KCNB2: variants seen among roughly 807,000 people sequenced by gnomAD.
The protein encoded by KCNB2 is delayed rectifier potassium channel protein.
KCNB2 carries 15 observed loss-of-function variants against 61.5 expected under a neutral mutation model. The observed-to-expected ratio is 0.24, with a 90% CI of 0.16 to 0.38. KCNB2 has a LOEUF of 0.38. Among genes scored for constraint, KCNB2 ranks in the 10% least tolerant of loss-of-function variants. KCNB2 has a pLI of 1.00. For missense variants in KCNB2, 828 were observed against 1,125.2 expected (o/e 0.74, Z 3.78); for synonymous variants, 457 against 446.0 (o/e 1.02, Z -0.31).
In KCNB2 at chr8:72,936,826, C is replaced by T. The variant is rs1422039688; in HGVS notation, c.1471C>T (p.Arg491Trp). The stretch of plus-strand genomic sequence containing the variant: ...CGACGATAATCACCTGTCGCCAAGC[C>T]GGTGGAAGTGGGCCAGGAAGGCTCT... ...SADDNHLSPS[R>W]WKWARKALSE... Residue 491 changes from arginine (R) to tryptophan (W), a missense_variant, in exon 3 of 3, where the codon CGG (arginine) becomes TGG (tryptophan). Around this residue, in one of 4 missense-constraint regions of KCNB2, gnomAD observed 559 missense variants for 588.4 expected, o/e 0.95. Coordinates refer to ENST00000523207, the MANE Select transcript of KCNB2 (RefSeq NM_004770.3). This position sits in a 1 kb window ranked among gnomAD's most constrained non-coding sequence, Gnocchi z 5.6. 7.4e-6 allele frequency: 12 copies of T among 1,614,008 alleles called. No individual in the cohort carries two copies. The South Asian group carries it at 7.7e-5, about 10-fold the overall frequency.
chr8:72,633,981 G>C (rs557756637), intron 2 of KCNB2, among the ~76,000 whole-genome samples: 1 of 125,608 alleles, frequency 8.0e-6, no homozygotes, highest in African/African-American at 2.5e-5. Context: ...AGTCAGACTG[G>C]AACACCTTGC....
chr8:72,651,911 G>A (rs923131024), intron 2 of KCNB2, among the ~76,000 whole-genome samples: 3 of 151,952 alleles, frequency 2.0e-5, no homozygotes, highest in Non-Finnish European at 2.9e-5. Flanking sequence ...CCTCTCCCAC[G>A]TCACATGGGC....
chr8:72,920,441 A>ATATC lies in KCNB2; in HGVS notation c.580-15462_580-15459dup, dbSNP rs568926581. ...AACATGGCAAAACCCCCTCTCCACT[A>ATATC]TATCTATCTATCTATCTATCTATCT... On this transcript the variant is annotated intron_variant, in intron 2 of 2. Transcript: ENST00000523207. Among the ~76,000 whole-genome samples the ATATC allele has an allele frequency of 9.8e-3, 1,034 of 105,180 alleles. 99 individuals carry two copies. The highest frequency in any genetic ancestry group is 0.071 in the East Asian group (312 of 4,424). 69.0% of individuals were successfully genotyped at this position (105,180 alleles called of 152,430 possible).
intron 2 of KCNB2, among the ~76,000 whole-genome samples, chr8:72,781,813 G>A (rs1335674300): frequency 1.3e-5 from 2 of 152,114 alleles, no homozygotes; most frequent in East Asian, 3.9e-4. Context: ...CCTTTGCAGG[G>A]ACCTGGATAG....
chr8:72,716,508 A>G (rs951830320), intron 2 of KCNB2, among the ~76,000 whole-genome samples: 13 of 152,282 alleles, frequency 8.5e-5, no homozygotes, highest in Non-Finnish European at 1.2e-4. Context: ...CTGGTTCAAC[A>G]TACGCAAATC....
chr8:72,712,137 A>C (rs1293207276), intron 2 of KCNB2, among the ~76,000 whole-genome samples: 2 of 152,256 alleles, frequency 1.3e-5, no homozygotes, highest in Non-Finnish European at 2.9e-5. Flanking sequence ...AAAAGCACAT[A>C]ATTGGTAATA....
At chr8:72,850,190 A>AGTGTGTGTGTGTGTGT (rs745821437) in intron 2 of KCNB2, among the ~76,000 whole-genome samples, 1 of 87,838 alleles carries the variant, frequency 1.1e-5, no homozygotes, top group African/African-American at 3.7e-5. Flanking sequence ...AGTGTATGTA[A>AGTGTGTGTGTGTGTGT]GTGTGTGTGT....
chr8:72,677,514 T>C (rs1806678343), intron 2 of KCNB2, among the ~76,000 whole-genome samples: 2 of 152,194 alleles, frequency 1.3e-5, no homozygotes, highest in African/African-American at 4.8e-5. Flanking sequence ...TTGCTTACAC[T>C]CCTTCTCTCT....
chr8:72,667,177 G>C (rs1422155558), intron 2 of KCNB2, among the ~76,000 whole-genome samples: 1 of 152,134 alleles, frequency 6.6e-6, no homozygotes, highest in South Asian at 2.1e-4. Context: ...GGATTACCTG[G>C]GTTAGCTCAT....
intron 2 of KCNB2, among the ~76,000 whole-genome samples, chr8:72,853,482 A>G (rs1012311884): frequency 4.6e-5 from 7 of 152,088 alleles, no homozygotes; most frequent in African/African-American, 1.7e-4. Flanking sequence ...CACTCATCCA[A>G]TATATCATTG....
chr8:72,842,596 A>G (rs1269553067), intron 2 of KCNB2, among the ~76,000 whole-genome samples: 1 of 152,164 alleles, frequency 6.6e-6, no homozygotes, highest in Non-Finnish European at 1.5e-5. Context: ...CTATTAATTA[A>G]TGCTTCAATT....
intron 2 of KCNB2, among the ~76,000 whole-genome samples, chr8:72,839,796 G>A (rs888313578): frequency 1.2e-4 from 18 of 151,642 alleles, no homozygotes; most frequent in Non-Finnish European, 2.2e-4. Flanking sequence ...CTATTTTTTA[G>A]TAGAGACGGG....
chr8:72,572,541 G>A (rs1303286208), intron 2 of KCNB2, among the ~76,000 whole-genome samples: 1 of 148,616 alleles, frequency 6.7e-6, no homozygotes, highest in Non-Finnish European at 1.5e-5. Flanking sequence ...TCCTCTCCCC[G>A]CTCCTCCTCT....
In KCNB2 at chr8:72,648,107, G is replaced by A. The variant is rs565725414; in HGVS notation, c.579+79794G>A. On this transcript the variant is annotated intron_variant, in intron 2 of 2. Coordinates refer to ENST00000523207, the MANE Select transcript of KCNB2 (RefSeq NM_004770.3). The stretch of plus-strand genomic sequence containing the variant: ...GGATCATCCCAGGATGCAGCCCTAG[G>A]TTACTAGACTTCTCCTAGTGCAGAG... Among the ~76,000 whole-genome samples, 13 of 152,252 alleles carry A rather than the reference G, an allele frequency of 8.5e-5. 1 individual carries two copies. The South Asian group carries it at 2.3e-3, about 27-fold the overall frequency.
At chr8:72,700,030 A>G (rs1200855249) in intron 2 of KCNB2, among the ~76,000 whole-genome samples, 1 of 152,188 alleles carries the variant, frequency 6.6e-6, no homozygotes, top group Non-Finnish European at 1.5e-5. Context: ...AAAGAATGAG[A>G]TCATGTCCTT....
chr8:72,681,175 G>A (rs1240798336), intron 2 of KCNB2, among the ~76,000 whole-genome samples: 1 of 152,014 alleles, frequency 6.6e-6, no homozygotes, highest in East Asian at 1.9e-4. Context: ...TGGGGGACAA[G>A]GCTGTACAAT....
At chr8:72,869,166 C>T (rs1805578744) in intron 2 of KCNB2, among the ~76,000 whole-genome samples, 1 of 152,142 alleles carries the variant, frequency 6.6e-6, no homozygotes, top group Non-Finnish European at 1.5e-5. Flanking sequence ...GAGTTACCTG[C>T]CTTGAGCTTG....
Position 72,568,005 on chromosome 8 carries a change from C to A in KCNB2, c.271C>A (p.Arg91=), listed in dbSNP as rs1806653821. ...GAACGAGAACGAGTATTTCTTTGATCGGCATCCAGGAGCCTTCACTTCCAT... is the reference window on the plus strand; with the variant it reads ...GAACGAGAACGAGTATTTCTTTGATAGGCATCCAGGAGCCTTCACTTCCAT... ...NLNENEYFFD[R]HPGAFTSILN... The change falls in exon 2 of 3, where the codon CGG becomes AGG. Residue 91 remains arginine (R), a synonymous_variant. Coordinates refer to ENST00000523207, the MANE Select transcript of KCNB2 (RefSeq NM_004770.3). 1 of 1,614,056 alleles carries A rather than the reference C, an allele frequency of 6.2e-7. No homozygotes were observed. Among genetic ancestry groups the A allele is most frequent in the Non-Finnish European group, 8.5e-7 (1 of 1,179,990 alleles).
At chr8:72,569,224 T>A (rs7813647) in intron 2 of KCNB2, among the ~76,000 whole-genome samples, 4,321 of 152,282 alleles carry the variant, frequency 0.028, 197 homozygotes, top group African/African-American at 0.095. Flanking sequence ...AGTATTGACA[T>A]TTTGTGCGTA....
Sources: gnomAD v4.1 joint callset for allele counts (sites outside exome capture counted in the v4.1 genomes callset) on GRCh38, gnomAD v4.1.1 for gene constraint, gnomAD v4.1.1 regional missense constraint, Gnocchi (gnomAD v3.1) non-coding constraint, MANE v1.5 for transcripts, NCBI Gene and HGNC (gene_info 2026-07-23, HGNC 2026-07-21) for gene names.